The following TRPM3 variants were observed in gnomAD, a reference collection of about 807,000 sequenced individuals.
TRPM3 encodes long transient receptor potential channel 3.
TRPM3 carries 77 observed loss-of-function variants against 181.2 expected under a neutral mutation model. The observed-to-expected ratio is 0.42, with a 90% CI of 0.35 to 0.51. The LOEUF (loss-of-function observed/expected upper bound fraction) is 0.51, where lower values mean the gene tolerates loss of function less well. Among genes scored for constraint, TRPM3 ranks in the 20% least tolerant of loss-of-function variants. TRPM3 has a pLI of 0.01. For synonymous variants in TRPM3, 745 were observed against 796.4 expected, an observed-to-expected ratio of 0.94 and a Z score of 1.09; for missense variants, 1,759 against 2,196.7, an observed-to-expected ratio of 0.80 and a Z score of 3.98.
intron 25 of TRPM3, among the ~76,000 whole-genome samples, chr9:70,541,206 C>T (rs2131646941): frequency 6.6e-6 from 1 of 152,262 alleles, no homozygotes; most frequent in African/African-American, 2.4e-5. Flanking sequence ...GGCTGCAGGG[C>T]ATGGAACCAG....
intron 1 of TRPM3, among the ~76,000 whole-genome samples, chr9:71,157,886 T>C (rs1221428362): frequency 6.6e-6 from 1 of 152,084 alleles, no homozygotes; most frequent in Non-Finnish European, 1.5e-5. Context: ...CACAGACAGA[T>C]TGTTGAAACT....
intron 1 of TRPM3, among the ~76,000 whole-genome samples, chr9:71,422,971 T>C (rs963962473): frequency 3.3e-5 from 5 of 152,062 alleles, no homozygotes; most frequent in Non-Finnish European, 5.9e-5. Flanking sequence ...AGATGCAATA[T>C]TGACAATGCA....
intron 1 of TRPM3, among the ~76,000 whole-genome samples, chr9:71,246,800 C>T (rs577618628): frequency 6.6e-6 from 1 of 152,236 alleles, no homozygotes; most frequent in Admixed American, 6.5e-5. Context: ...TTAATTAGTG[C>T]TTTCACTGTA....
chr9:71,088,656 A>G (rs1315664921), intron 1 of TRPM3, among the ~76,000 whole-genome samples: 1 of 152,100 alleles, frequency 6.6e-6, no homozygotes, highest in Non-Finnish European at 1.5e-5. Context: ...AAGAAACAGA[A>G]TTTCAAAAGC....
intron 1 of TRPM3, among the ~76,000 whole-genome samples, chr9:71,012,549 T>C (rs1323498532): frequency 1.3e-5 from 2 of 152,036 alleles, no homozygotes; most frequent in Non-Finnish European, 2.9e-5. Flanking sequence ...TAAAATTTAA[T>C]GTATTTATTA....
intron 1 of TRPM3, among the ~76,000 whole-genome samples, chr9:71,217,253 T>G (rs2079947385): frequency 6.6e-6 from 1 of 152,132 alleles, no homozygotes; most frequent in South Asian, 2.1e-4. Context: ...CCCGGCCCAG[T>G]GGCCCTTTCT....
chr9:71,306,633 T>C (rs1317670752), intron 1 of TRPM3, among the ~76,000 whole-genome samples: 1 of 152,140 alleles, frequency 6.6e-6, no homozygotes, highest in Non-Finnish European at 1.5e-5. Context: ...CCCAGCACTT[T>C]GGGAGGCTGA....
intron 1 of TRPM3, among the ~76,000 whole-genome samples, chr9:71,253,520 G>A (rs1170157254): frequency 6.6e-6 from 1 of 152,184 alleles, no homozygotes; most frequent in African/African-American, 2.4e-5. Context: ...TGCCAAGGTT[G>A]AGACATCTGG....
At chr9:71,019,939 G>A (rs1445108881) in intron 1 of TRPM3, among the ~76,000 whole-genome samples, 1 of 152,078 alleles carries the variant, frequency 6.6e-6, no homozygotes, top group Non-Finnish European at 1.5e-5. Context: ...CTGTAGGGAA[G>A]GGATAGTCTT....
chr9:70,549,800 G>A, intron 24 of TRPM3, 126 bp from the exon 25 acceptor site: 1 of 942,910 alleles, frequency 1.1e-6, no homozygotes, highest in Non-Finnish European at 1.5e-6. Flanking sequence ...TCCTTGTTAA[G>A]TCTCAAATGA....
At chr9:71,035,955 A>C (rs1275358062) in intron 1 of TRPM3, among the ~76,000 whole-genome samples, 3 of 150,066 alleles carry the variant, frequency 2.0e-5, no homozygotes, top group Non-Finnish European at 4.4e-5. Flanking sequence ...CACCATATGA[A>C]ACTCAACTTG....
At chr9:70,928,212 T>C (rs1462182848) in intron 1 of TRPM3, among the ~76,000 whole-genome samples, 2 of 152,212 alleles carry the variant, frequency 1.3e-5, no homozygotes, top group African/African-American at 4.8e-5. Flanking sequence ...AGTCTCAGTT[T>C]CCTCATCTGT....
intron 1 of TRPM3, among the ~76,000 whole-genome samples, chr9:71,293,569 G>A (rs1313246150): frequency 6.6e-6 from 1 of 151,004 alleles, no homozygotes; most frequent in Non-Finnish European, 1.5e-5. Context: ...GACTCTAAGA[G>A]AGACCTAAAT....
chr9:71,030,923 A>T (rs547433879), intron 1 of TRPM3, among the ~76,000 whole-genome samples: 1 of 152,170 alleles, frequency 6.6e-6, no homozygotes, highest in Non-Finnish European at 1.5e-5. Context: ...CAGGGTATTC[A>T]TTGGTTATCA....
At chr9:71,333,962 G>A (rs2090388668) in intron 1 of TRPM3, among the ~76,000 whole-genome samples, 1 of 151,782 alleles carries the variant, frequency 6.6e-6, no homozygotes, top group South Asian at 2.1e-4. Context: ...AAAGGGAATT[G>A]CAAAGCTCCA....
At chr9:70,741,130 CCATCAAAAAGTGGA>C (rs1275421270) in intron 8 of TRPM3, among the ~76,000 whole-genome samples, 3 of 151,912 alleles carry the variant, frequency 2.0e-5, no homozygotes, top group Non-Finnish European at 2.9e-5. Flanking sequence ...ACAAACAATC[CCATCAAAAAGTGGA>C]CTATGGACAT....
At chr9:70,828,101 AG>A in intron 5 of TRPM3, 83 bp from the exon 6 acceptor site, 1 of 1,361,820 alleles carries the variant, frequency 7.3e-7, no homozygotes, top group Admixed American at 2.0e-5. Context: ...GAGGAAAGAG[AG>A]GAAGAAAGAA....
chr9:70,668,391 G>A lies in TRPM3; in HGVS notation c.1345+13115C>T, dbSNP rs536497194. On this transcript the variant is annotated intron_variant, in intron 9 of 25. Coordinates refer to ENST00000677713, the MANE Select transcript of TRPM3 (RefSeq NM_001366145.2). The stretch of plus-strand genomic sequence containing the variant: ...AAACATAGTAACTTCTGGGCCGGGC[G>A]CGGTGGCTCACGCCTGTAATCCCAG... 5.0e-3 allele frequency among the ~76,000 whole-genome samples: 765 copies of A among 152,260 alleles called. 2 individuals carry two copies. The highest frequency in any genetic ancestry group is 8.3e-3 in the Non-Finnish European group (567 of 68,014).
chr9:70,856,730 A>G (rs546515601), intron 3 of TRPM3, among the ~76,000 whole-genome samples: 32 of 152,272 alleles, frequency 2.1e-4, no homozygotes, highest in Middle Eastern at 6.8e-3. Context: ...AATTATCTAA[A>G]TCATATGAAG....
Sources: allele counts gnomAD v4.1 joint callset (sites outside exome capture counted in the v4.1 genomes callset), GRCh38; gene constraint gnomAD v4.1.1; transcripts MANE v1.5; gene names NCBI Gene and HGNC (gene_info 2026-07-23, HGNC 2026-07-21).